The following CHN2 variants were observed in gnomAD, a reference collection of about 807,000 sequenced individuals.
The protein encoded by CHN2 is chimerin 2.
In CHN2, 35 loss-of-function variants were observed where a neutral mutation model predicts 56.3. The ratio of observed to expected loss-of-function variants is 0.62; its 90% CI spans 0.47 to 0.82. CHN2 has a LOEUF of 0.82. CHN2 is among the 40% of genes least tolerant of loss of function. The pLI, the probability that CHN2 is intolerant of heterozygous loss-of-function variation, is 0.00. For missense variants in CHN2, 491 were observed against 580.5 expected, an observed-to-expected ratio of 0.85 and a Z score of 1.58; for synonymous variants, 210 against 212.8, an observed-to-expected ratio of 0.99 and a Z score of 0.12.
chr7:29,263,139 C>T (rs943262116), intron 1 of CHN2, among the ~76,000 whole-genome samples: 8 of 152,230 alleles, frequency 5.3e-5, no homozygotes, highest in African/African-American at 1.9e-4. Flanking sequence ...CCTGACTCTC[C>T]TGCCTCAGCC....
intron 6 of CHN2, among the ~76,000 whole-genome samples, chr7:29,471,832 C>T (rs1472715003): frequency 1.3e-5 from 2 of 152,162 alleles, no homozygotes; most frequent in African/African-American, 2.4e-5. Flanking sequence ...CAGGACTATA[C>T]AGCTTGAACT....
Position 29,189,705 on chromosome 7 carries a change from T to TA in CHN2, c.274+42745_274+42746insA, listed in dbSNP as rs541640146. Reference sequence around the variant, plus strand: ...GGCCCCCCACCCCCTACACTCCCCTTCTCCCTCTCTGTCTTTCCAGTCAAA... The same window carrying TA: ...GGCCCCCCACCCCCTACACTCCCCTTACTCCCTCTCTGTCTTTCCAGTCAAA... On this transcript the variant is annotated intron_variant, in intron 2 of 6. Transcript: ENST00000439384. Among the ~76,000 whole-genome samples the TA allele has an allele frequency of 1.5e-4, 23 of 151,370 alleles. No homozygotes were observed. The East Asian group carries it at 4.6e-3, about 30-fold the overall frequency.
intron 2 of CHN2, among the ~76,000 whole-genome samples, chr7:29,184,233 GATATAC>G (rs1335369181): frequency 2.2e-4 from 33 of 150,000 alleles, no homozygotes; most frequent in Admixed American, 6.7e-5. Context: ...ATATATAGGA[GATATAC>G]ATATACAATC....
At chr7:29,405,161 CCAT>C (rs1802528884) in intron 6 of CHN2, among the ~76,000 whole-genome samples, 3 of 49,872 alleles carry the variant, frequency 6.0e-5, no homozygotes, top group Non-Finnish European at 1.4e-4. Context: ...GCTTATGTCA[CCAT>C]ACACACACAC....
intron 1 of CHN2, among the ~76,000 whole-genome samples, chr7:29,286,949 TGTG>T (rs1792196104): frequency 6.6e-6 from 1 of 152,166 alleles, no homozygotes; most frequent in Admixed American, 6.5e-5. Flanking sequence ...GTGTTTTAGT[TGTG>T]GTTAAATTTG....
intron 1 of CHN2, among the ~76,000 whole-genome samples, chr7:29,295,739 TAGTA>T (rs1311986902): frequency 1.3e-5 from 2 of 152,240 alleles, no homozygotes; most frequent in Admixed American, 1.3e-4. Flanking sequence ...TAATATTTGT[TAGTA>T]AGAGCAGGCA....
chr7:29,419,126 T>A (rs1804071771), intron 6 of CHN2, among the ~76,000 whole-genome samples: 1 of 152,044 alleles, frequency 6.6e-6, no homozygotes, highest in South Asian at 2.1e-4. Context: ...TCTAGCAAAC[T>A]TAGAGTCAAC....
At position 29,467,697 on chromosome 7, in the gene CHN2, G is replaced by A. The variant is rs142032726; in HGVS notation, c.577-12582G>A. 1.5e-3 allele frequency among the ~76,000 whole-genome samples: 230 copies of A among 152,302 alleles called. 1 individual carries two copies. The highest frequency in any genetic ancestry group is 4.1e-3 in the East Asian group (21 of 5,184). ...AAGTTTAAGAGAATGAACTCTGGAA[G>A]TAGCTTGCTCTGGGTTCAATTCCTA... On this transcript the variant is annotated intron_variant, in intron 6 of 12. Transcript: ENST00000222792.
chr7:29,315,967 C>G (rs1002050707), intron 1 of CHN2, among the ~76,000 whole-genome samples: 3 of 152,082 alleles, frequency 2.0e-5, no homozygotes, highest in African/African-American at 7.2e-5. Flanking sequence ...TATTTAATAC[C>G]ATTCACCTAG....
chr7:29,414,904 A>G lies in CHN2; in HGVS notation c.576+14076A>G, dbSNP rs559887436. On this transcript the variant is annotated intron_variant, in intron 6 of 12. Transcript: ENST00000222792. ...CATGCTTTGTGGACCAATCCTGGGC[A>G]TATCCTTCCCTGCAGTCTTCCCTGA... Among the ~76,000 whole-genome samples the G allele has an allele frequency of 9.9e-5, 15 of 151,770 alleles. No homozygotes were observed. In the East Asian group the frequency reaches 2.3e-3, roughly 24 times the overall value.
At chr7:29,461,452 T>G (rs1016273475) in intron 6 of CHN2, among the ~76,000 whole-genome samples, 1 of 152,208 alleles carries the variant, frequency 6.6e-6, no homozygotes, top group Non-Finnish European at 1.5e-5. Context: ...TGGGATTTTA[T>G]ACACATACAA....
chr7:29,263,713 G>C (rs913850586), intron 1 of CHN2, among the ~76,000 whole-genome samples: 13 of 150,888 alleles, frequency 8.6e-5, no homozygotes, highest in Middle Eastern at 7.0e-3. Context: ...GTCTCTGCCC[G>C]GCCGCCCATC....
intron 1 of CHN2, among the ~76,000 whole-genome samples, chr7:29,240,938 T>G: frequency 6.6e-6 from 1 of 151,970 alleles, no homozygotes; most frequent in East Asian, 1.9e-4. Context: ...CAGCCTGGAG[T>G]GCGGTGAGGC....
intron 2 of CHN2, among the ~76,000 whole-genome samples, chr7:29,152,890 C>T (rs1194395871): frequency 6.6e-6 from 1 of 152,218 alleles, no homozygotes; most frequent in Non-Finnish European, 1.5e-5. Context: ...ATAACAAGGA[C>T]CTCAGAATTC....
intron 1 of CHN2, among the ~76,000 whole-genome samples, chr7:29,198,311 G>T (rs1197392917): frequency 6.6e-6 from 1 of 152,332 alleles, no homozygotes; most frequent in East Asian, 1.9e-4. Flanking sequence ...CTAATAATTT[G>T]CTCAGCATTA....
intron 1 of CHN2, among the ~76,000 whole-genome samples, chr7:29,297,950 A>T (rs1305768015): frequency 6.6e-6 from 1 of 152,170 alleles, no homozygotes; most frequent in Non-Finnish European, 1.5e-5. Flanking sequence ...TAGAAAGAGG[A>T]GAGCAGGAGT....
intron 1 of CHN2, among the ~76,000 whole-genome samples, chr7:29,305,022 T>C (rs898587816): frequency 6.6e-6 from 1 of 152,046 alleles, no homozygotes; most frequent in South Asian, 2.1e-4. Flanking sequence ...TTGGCATGGG[T>C]TCAACTTAGA....
intron 1 of CHN2, among the ~76,000 whole-genome samples, chr7:29,269,625 C>A (rs1206112569): frequency 1.9e-4 from 29 of 152,202 alleles, no homozygotes; most frequent in Admixed American, 1.9e-3. Context: ...GAGGAAACTT[C>A]ATGCTGTTTT....
At chr7:29,504,353 A>G (rs191740245) in intron 9 of CHN2, among the ~76,000 whole-genome samples, 47 of 152,304 alleles carry the variant, frequency 3.1e-4, no homozygotes, top group African/African-American at 1.1e-3. Flanking sequence ...CTGTGTACCC[A>G]CAAAAATTAA....
Sources: gnomAD v4.1 joint callset for allele counts (sites outside exome capture counted in the v4.1 genomes callset) on GRCh38, gnomAD v4.1.1 for gene constraint, MANE v1.5 for transcripts, NCBI Gene and HGNC (gene_info 2026-07-23, HGNC 2026-07-21) for gene names.